Variants in HIPK2 observed in about 807,000 individuals in gnomAD.
The protein encoded by HIPK2 is homeodomain interacting protein kinase 2, also known as homeodomain-interacting protein kinase 2.
A neutral mutation model predicts 113.7 loss-of-function variants in HIPK2; 27 were observed. The ratio of observed to expected loss-of-function variants is 0.24; its 90% CI spans 0.17 to 0.33. The LOEUF is 0.33. HIPK2 is among the 10% of genes least tolerant of loss of function. HIPK2 has a pLI of 1.00. For synonymous variants in HIPK2, 631 were observed against 642.2 expected (o/e 0.98, Z 0.26); for missense variants, 1,257 against 1,588.0 (o/e 0.79, Z 3.54).
intron 6 of HIPK2, among the ~76,000 whole-genome samples, chr7:139,623,402 C>T (rs1215737817): frequency 1.3e-5 from 2 of 150,816 alleles, no homozygotes; most frequent in Non-Finnish European, 2.9e-5. Flanking sequence ...TCCAGCTACT[C>T]GGGAGGCTGA....
intron 1 of HIPK2, among the ~76,000 whole-genome samples, chr7:139,759,848 AAAAG>A (rs966292385): frequency 3.9e-5 from 6 of 152,220 alleles, no homozygotes; most frequent in Admixed American, 1.3e-4. Context: ...GAAATAATAA[AAAAG>A]AAAAAAAACA....
At chr7:139,587,807 GT>G (rs146785530) in intron 12 of HIPK2, among the ~76,000 whole-genome samples, 4,124 of 152,198 alleles carry the variant, frequency 0.027, 160 homozygotes, top group East Asian at 0.11. Context: ...GAGCCCAGGA[GT>G]TTGAGGCTGC....
Position 139,688,443 on chromosome 7 carries a change from AG to A in HIPK2, c.1103+27488del, listed in dbSNP as rs201806111. 4.6e-4 allele frequency among the ~76,000 whole-genome samples: 70 copies of A among 152,362 alleles called. 2 individuals are homozygous for A. The East Asian group carries it at 0.013, about 28-fold the overall frequency. On this transcript the variant is annotated intron_variant, in intron 2 of 14. Coordinates refer to ENST00000406875, the MANE Select transcript of HIPK2 (RefSeq NM_022740.5). ...CAGCTAGAGACTGGAAGACACAGGAAGGTGTGGAAGAACGGGCTTCTCACTC... is the reference window on the plus strand; with the variant it reads ...CAGCTAGAGACTGGAAGACACAGGAAGTGTGGAAGAACGGGCTTCTCACTC...
intron 2 of HIPK2, among the ~76,000 whole-genome samples, chr7:139,652,602 C>T (rs947123314): frequency 1.3e-5 from 2 of 152,184 alleles, no homozygotes; most frequent in African/African-American, 4.8e-5. Context: ...ATGTATTGAG[C>T]ATCCATTATG....
intron 2 of HIPK2, among the ~76,000 whole-genome samples, chr7:139,675,494 A>G (rs9690418): frequency 0.52 from 78,856 of 152,048 alleles, 21,494 homozygotes; most frequent in Non-Finnish European, 0.6. Context: ...TATTTCTCAC[A>G]TGCGGACTCG....
At chr7:139,586,420 G>C (rs1257801863) in intron 12 of HIPK2, among the ~76,000 whole-genome samples, 2 of 152,012 alleles carry the variant, frequency 1.3e-5, no homozygotes, top group Non-Finnish European at 2.9e-5. Context: ...TCCATCAGCT[G>C]GTGAATGAAT....
chr7:139,606,574 A>G (rs564614980), intron 9 of HIPK2, among the ~76,000 whole-genome samples: 1 of 152,348 alleles, frequency 6.6e-6, no homozygotes, highest in South Asian at 2.1e-4. Flanking sequence ...GGAATCTAAG[A>G]TCAGGTCTTC....
chr7:139,664,782 C>T (rs1018365866), intron 2 of HIPK2, among the ~76,000 whole-genome samples: 7 of 152,158 alleles, frequency 4.6e-5, no homozygotes, highest in Admixed American at 1.3e-4. Flanking sequence ...ACTAGTTTTT[C>T]CTTCTGTATA....
At chr7:139,747,115 G>T (rs2117096890) in intron 1 of HIPK2, among the ~76,000 whole-genome samples, 1 of 152,202 alleles carries the variant, frequency 6.6e-6, no homozygotes, top group South Asian at 2.1e-4. Flanking sequence ...ACCAAATACT[G>T]CCCAGTTGGG....
chr7:139,728,180 C>A (rs1009716306), intron 1 of HIPK2, among the ~76,000 whole-genome samples: 1 of 151,962 alleles, frequency 6.6e-6, no homozygotes, highest in East Asian at 1.9e-4. Flanking sequence ...TGGGCTCAAG[C>A]GATCCTCCTG....
intron 2 of HIPK2, among the ~76,000 whole-genome samples, chr7:139,695,403 C>T (rs893714918): frequency 1.4e-4 from 22 of 152,102 alleles, no homozygotes; most frequent in Admixed American, 8.5e-4. Flanking sequence ...CTTGGGGGCT[C>T]GCCACTCCAT....
intron 13 of HIPK2, among the ~76,000 whole-genome samples, chr7:139,577,531 T>C (rs1798532774): frequency 6.6e-6 from 1 of 152,154 alleles, no homozygotes; most frequent in Non-Finnish European, 1.5e-5. Context: ...TACCTTTCTC[T>C]AACTTCAATG....
chr7:139,727,449 A>G (rs982128822), intron 1 of HIPK2, among the ~76,000 whole-genome samples: 1 of 152,222 alleles, frequency 6.6e-6, no homozygotes, highest in African/African-American at 2.4e-5. Flanking sequence ...AGAACGTTCA[A>G]AATCTTTTAT....
intron 1 of HIPK2, among the ~76,000 whole-genome samples, chr7:139,736,805 T>C (rs1403653590): frequency 6.6e-6 from 1 of 152,178 alleles, no homozygotes; most frequent in Non-Finnish European, 1.5e-5. Context: ...CATAAGATAT[T>C]AACAGAGAAT....
At chr7:139,595,988 C>G (rs1456101989) in intron 12 of HIPK2, among the ~76,000 whole-genome samples, 1 of 152,086 alleles carries the variant, frequency 6.6e-6, no homozygotes, top group South Asian at 2.1e-4. Flanking sequence ...ATTTTGGGCT[C>G]TACAAGGCCA....
Position 139,563,166 on chromosome 7 carries a change from T to C in HIPK2, c.*9761A>G, listed in dbSNP as rs1240955962. On this transcript the variant is annotated 3_prime_UTR_variant, in exon 15 of 15. Transcript: ENST00000406875. ...TGTGCTCTCTGTTCCATTTGTTAGT[T>C]ACAGGAAGCTACCAAGGATGCACAT... is the stretch of plus-strand genomic sequence containing the variant. 6.6e-6 allele frequency: 1 copy of C among 152,322 alleles called. No individual in the cohort carries two copies. The highest frequency in any genetic ancestry group is 2.4e-5 in the African/African-American group (1 of 41,424). The allele number at this position is 152,322 out of a possible 1,614,324, so 9.4% of individuals were successfully genotyped here. A position where few individuals can be genotyped will look rare whatever the true frequency, so the allele number is the denominator to read the frequency against.
At chr7:139,648,806 C>T (rs2116447623) in intron 2 of HIPK2, among the ~76,000 whole-genome samples, 1 of 151,798 alleles carries the variant, frequency 6.6e-6, no homozygotes, top group South Asian at 2.1e-4. Flanking sequence ...TTTTCCTTTC[C>T]CCGTATGTAT....
rs112180259 is a variant in HIPK2, at chr7:139,673,790, G to A, written c.1104-42065C>T. The stretch of plus-strand genomic sequence containing the variant: ...GGACAGGGCGTGGTGGCTCACATCT[G>A]TAATCCCAGCACTTTGGGAGGGTGA... On this transcript the variant is annotated intron_variant, in intron 2 of 14. Transcript: ENST00000406875. Among the ~76,000 whole-genome samples the A allele has an allele frequency of 4.3e-3, 630 of 148,180 alleles. 4 individuals are homozygous for A. Among genetic ancestry groups the A allele is most frequent in the African/African-American group, 0.012 (495 of 40,528 alleles).
At chr7:139,670,338 T>C (rs573311549) in intron 2 of HIPK2, among the ~76,000 whole-genome samples, 21 of 151,994 alleles carry the variant, frequency 1.4e-4, no homozygotes, top group Non-Finnish European at 2.1e-4. Context: ...GACCCCAGCA[T>C]TGTGGTAGGC....
Sources: allele counts gnomAD v4.1 joint callset (sites outside exome capture counted in the v4.1 genomes callset), GRCh38; gene constraint gnomAD v4.1.1; transcripts MANE v1.5; gene names NCBI Gene and HGNC (gene_info 2026-07-23, HGNC 2026-07-21).